The following NRP1 variants were observed in gnomAD, a reference collection of about 807,000 sequenced individuals.
The protein encoded by NRP1 is neuropilin-1.
In NRP1, 35 loss-of-function variants were observed where a neutral mutation model predicts 106.7. That is an observed-to-expected ratio of 0.33 (90% CI 0.25 to 0.43). NRP1 has a LOEUF of 0.43. NRP1 is among the 20% of genes least tolerant of loss of function. The probability of loss-of-function intolerance (pLI) is 1.00; values close to 1 mark genes in which losing one functional copy is unlikely to be tolerated. For synonymous variants in NRP1, 437 were observed against 417.9 expected (o/e 1.05, Z -0.56); for missense variants, 1,024 against 1,170.4 (o/e 0.87, Z 1.83).
intron 4 of NRP1, among the ~76,000 whole-genome samples, chr10:33,256,706 G>A (rs958478308): frequency 2.0e-5 from 3 of 152,224 alleles, no homozygotes; most frequent in African/African-American, 7.2e-5. Flanking sequence ...CCAGTGAGCA[G>A]AATTGTTTTC....
chr10:33,218,967 G>A (rs910399275), intron 8 of NRP1, among the ~76,000 whole-genome samples: 5 of 152,178 alleles, frequency 3.3e-5, no homozygotes, highest in African/African-American at 1.2e-4. Context: ...ATCTAGTCCA[G>A]CAGGAATACT....
chr10:33,249,621 C>A, intron 6 of NRP1: 2 of 408,936 alleles, frequency 4.9e-6, no homozygotes, highest in Non-Finnish European at 9.7e-6. Context: ...CTCTGGGACA[C>A]AGAATAAAGA....
chr10:33,228,667 A>G (rs1392367065), intron 6 of NRP1, among the ~76,000 whole-genome samples: 1 of 152,200 alleles, frequency 6.6e-6, no homozygotes, highest in Non-Finnish European at 1.5e-5. Context: ...CATAGAAGCC[A>G]ATTTGAAGTT....
chr10:33,230,527 G>C (rs1462611200), intron 6 of NRP1, among the ~76,000 whole-genome samples: 1 of 151,972 alleles, frequency 6.6e-6, no homozygotes, highest in Non-Finnish European at 1.5e-5. Flanking sequence ...TTTATCAGTG[G>C]AGACTGAGAT....
chr10:33,215,560 A>C (rs1049123848), intron 8 of NRP1, among the ~76,000 whole-genome samples: 1 of 152,246 alleles, frequency 6.6e-6, no homozygotes, highest in African/African-American at 2.4e-5. Context: ...GAAACTGTAC[A>C]TCCTAATCAA....
At chr10:33,288,277 A>G (rs1438429214) in intron 2 of NRP1, 1 of 151,936 alleles carries the variant, frequency 6.6e-6, no homozygotes, top group African/African-American at 2.4e-5. Context: ...TATTCTTGGG[A>G]TAGTGTTAGT....
At chr10:33,193,676 G>A (rs1286752360) in intron 12 of NRP1, among the ~76,000 whole-genome samples, 1 of 152,194 alleles carries the variant, frequency 6.6e-6, no homozygotes. Flanking sequence ...ATCTCATTTT[G>A]AGCTTCTTTA....
At chr10:33,196,853 C>T (rs1836822216) in intron 12 of NRP1, among the ~76,000 whole-genome samples, 1 of 152,122 alleles carries the variant, frequency 6.6e-6, no homozygotes, top group Non-Finnish European at 1.5e-5. Flanking sequence ...ACTGCAGAAG[C>T]CAAGACTGAG....
chr10:33,225,010 T>C (rs1007857351), intron 7 of NRP1, among the ~76,000 whole-genome samples: 1 of 152,160 alleles, frequency 6.6e-6, no homozygotes, highest in Non-Finnish European at 1.5e-5. Flanking sequence ...GTCATGAAAC[T>C]TGGGGTCAAA....
chr10:33,312,015 C>A (rs776545626), intron 2 of NRP1, among the ~76,000 whole-genome samples: 17 of 152,084 alleles, frequency 1.1e-4, no homozygotes, highest in Admixed American at 6.5e-4. Context: ...AGCTGAATAA[C>A]TTTAGAAGTT....
intron 6 of NRP1, among the ~76,000 whole-genome samples, chr10:33,228,903 A>C (rs1839892266): frequency 6.6e-6 from 1 of 152,224 alleles, no homozygotes; most frequent in African/African-American, 2.4e-5. Context: ...TTTTACCAAC[A>C]TATTCTTATC....
At chr10:33,291,904 T>C (rs1469741087) in intron 2 of NRP1, among the ~76,000 whole-genome samples, 1 of 152,176 alleles carries the variant, frequency 6.6e-6, no homozygotes, top group Admixed American at 6.5e-5. Context: ...TTTTGTTTTG[T>C]TTTTCATTTT....
intron 4 of NRP1, among the ~76,000 whole-genome samples, chr10:33,262,732 C>T (rs1842660077): frequency 6.6e-6 from 1 of 151,054 alleles, no homozygotes; most frequent in South Asian, 2.1e-4. Context: ...AGTCTAACCT[C>T]ACCACCCTAT....
At chr10:33,271,125 A>G (rs1429932288) in intron 2 of NRP1, among the ~76,000 whole-genome samples, 1 of 152,222 alleles carries the variant, frequency 6.6e-6, no homozygotes, top group Non-Finnish European at 1.5e-5. Flanking sequence ...CAGTTAAAGT[A>G]ACCAATTAAA....
chr10:33,186,408 A>C lies in NRP1; in HGVS notation c.2143T>G (p.Ser715Ala). 1 of 1,614,106 alleles carries C rather than the reference A, an allele frequency of 6.2e-7. No homozygotes were observed. Among genetic ancestry groups the C allele is most frequent in the South Asian group, 1.1e-5 (1 of 91,068 alleles). ...GTCATGCAGTGGGCAGAGTTCTGGG[A>C]ATAAACCACAGGGCTCACCAGGCGA... Reference protein sequence around the residue: ...VARLVSPVVYSQNSAHCMTFW... With the variant: ...VARLVSPVVYAQNSAHCMTFW... Residue 715 changes from serine (S) to alanine (A), a missense_variant, in exon 14 of 17, where the codon TCC becomes GCC. Around this residue, in one of 5 missense-constraint regions of NRP1, gnomAD observed 562 missense variants for 620.3 expected, o/e 0.91. Transcript: ENST00000374867.
At position 33,180,191 on chromosome 10, in the gene NRP1, T is replaced by C; in HGVS notation, c.2657A>G (p.Asn886Ser). 6.2e-7 allele frequency: 1 copy of C among 1,614,162 alleles called. No individual in the cohort carries two copies. The highest frequency in any genetic ancestry group is 1.1e-5 in the South Asian group (1 of 91,080). The change falls in exon 17 of 17, where the codon AAT (asparagine) becomes AGT (serine). Residue 886 changes from asparagine to serine, a missense_variant. Physicochemically the swap from Asn to Ser is conservative, Grantham distance 46 (BLOSUM62 1). Transcript: ENST00000374867. ...AGACAAGTTTCTTTCTGACATCCCATTATGCCAACAGGCACAGTACAGCAC... is the reference window on the plus strand; with the variant it reads ...AGACAAGTTTCTTTCTGACATCCCACTATGCCAACAGGCACAGTACAGCAC... ...GVVLYCACWH[N>S]GMSERNLSAL...
rs1326421459 is a variant in NRP1 at position 33,221,709 on chromosome 10, C to T, written c.1282+10G>A. The T allele has an allele frequency of 6.2e-7, 1 of 1,610,176 alleles. No individual in the cohort carries two copies. The highest frequency in any genetic ancestry group is 1.3e-5 in the African/African-American group (1 of 74,874). On this transcript the variant is annotated intron_variant, in intron 8 of 16. Transcript: ENST00000374867. ...TTGGAAGATTCAGTCTTCAATCTTC[C>T]ACAGCTTACCTGTTATCTTGCAACC...
chr10:33,257,446 G>A (rs533074506), intron 4 of NRP1, among the ~76,000 whole-genome samples: 2 of 152,266 alleles, frequency 1.3e-5, no homozygotes, highest in African/African-American at 2.4e-5. Flanking sequence ...AGACCAGCCT[G>A]GCCAACATGG....
At chr10:33,297,787 A>G (rs1845520185) in intron 2 of NRP1, among the ~76,000 whole-genome samples, 1 of 151,744 alleles carries the variant, frequency 6.6e-6, no homozygotes, top group South Asian at 2.1e-4. Flanking sequence ...CTCTGTCCTG[A>G]CGGCAGAGGG....
Sources: gnomAD v4.1 joint callset for allele counts (sites outside exome capture counted in the v4.1 genomes callset) on GRCh38, gnomAD v4.1.1 for gene constraint, gnomAD v4.1.1 regional missense constraint, MANE v1.5 for transcripts, NCBI Gene and HGNC (gene_info 2026-07-23, HGNC 2026-07-21) for gene names.